The following DPYD variants were observed in gnomAD, a reference collection of about 807,000 sequenced individuals.
DPYD encodes the protein dihydropyrimidine dehydrogenase, also known as dihydropyrimidine dehydrogenase [NADP(+)].
DPYD carries 109 observed loss-of-function variants against 116.2 expected under a neutral mutation model. That is an observed-to-expected ratio of 0.94 (90% confidence interval 0.80 to 1.10). The LOEUF (loss-of-function observed/expected upper bound fraction) is 1.10, where lower values mean the gene tolerates loss of function less well. Among genes scored for constraint, DPYD ranks in the 50% least tolerant of loss-of-function variants. The pLI, the probability that DPYD is intolerant of heterozygous loss-of-function variation, is 0.00. For synonymous variants in DPYD, 440 were observed against 432.0 expected, an observed-to-expected ratio of 1.02 and a Z score of -0.23; for missense variants, 1,302 against 1,254.5, an observed-to-expected ratio of 1.04 and a Z score of -0.57.
At chr1:97,163,877 A>G (rs1656112554) in intron 20 of DPYD, among the ~76,000 whole-genome samples, 1 of 152,192 alleles carries the variant, frequency 6.6e-6, no homozygotes, top group Non-Finnish European at 1.5e-5. Context: ...TTTAGAAACA[A>G]GATTGAGAGA....
chr1:97,290,372 C>T lies in DPYD; in HGVS notation c.2299+14887G>A, dbSNP rs189012598. 4.2e-3 allele frequency among the ~76,000 whole-genome samples: 632 copies of T among 152,180 alleles called. 6 individuals are homozygous for T. The highest frequency in any genetic ancestry group is 0.014 in the African/African-American group (598 of 41,518). On this transcript the variant is annotated intron_variant, in intron 18 of 22. Coordinates refer to ENST00000370192, the MANE Select transcript of DPYD (RefSeq NM_000110.4). ...TATGGAACCAAAAGAGAGCCCACAT[C>T]GCCAAGTCAATCCTAAGCCAAAACA... is the stretch of plus-strand genomic sequence containing the variant.
At chr1:97,219,418 GCATTAA>G (rs1161226500) in intron 19 of DPYD, among the ~76,000 whole-genome samples, 1 of 152,102 alleles carries the variant, frequency 6.6e-6, no homozygotes, top group Admixed American at 6.5e-5. Context: ...TCTGATTTTT[GCATTAA>G]TATTTAATAA....
At chr1:97,657,549 G>T (rs1484589027) in intron 8 of DPYD, among the ~76,000 whole-genome samples, 3 of 152,078 alleles carry the variant, frequency 2.0e-5, no homozygotes, top group African/African-American at 7.2e-5. Context: ...CTCTCAATCA[G>T]TGAAAACACA....
chr1:97,845,287 C>G (rs1035122966), intron 2 of DPYD, among the ~76,000 whole-genome samples: 1 of 152,064 alleles, frequency 6.6e-6, no homozygotes, highest in African/African-American at 2.4e-5. Flanking sequence ...CACCTATAGA[C>G]CAATCAGCAC....
chr1:97,385,196 G>GA (rs960306568), intron 14 of DPYD, among the ~76,000 whole-genome samples: 3 of 135,570 alleles, frequency 2.2e-5, no homozygotes, highest in Admixed American at 8.3e-5. Context: ...TCTCCAGTTA[G>GA]AAAAAAGATC....
rs116313445 is a variant in DPYD, at chr1:97,440,959, T to A, written c.1905+9100A>T. 4.3e-3 allele frequency among the ~76,000 whole-genome samples: 650 copies of A among 152,322 alleles called. 7 individuals carry two copies. The highest frequency in any genetic ancestry group is 0.015 in the African/African-American group (633 of 41,570). ...AGGTATGTGGCTGGATTTTGAAATC[T>A]AGGTTAATATTCGTCCTTTTCTTTC... On this transcript the variant is annotated intron_variant, in intron 14 of 22. Coordinates refer to ENST00000370192, the MANE Select transcript of DPYD (RefSeq NM_000110.4).
At chr1:97,507,129 T>A (rs1647397569) in intron 13 of DPYD, among the ~76,000 whole-genome samples, 1 of 152,002 alleles carries the variant, frequency 6.6e-6, no homozygotes, top group South Asian at 2.1e-4. Flanking sequence ...GTACTATATG[T>A]GAACTGTAGC....
At chr1:97,427,020 T>C (rs1336582203) in intron 14 of DPYD, among the ~76,000 whole-genome samples, 1 of 152,098 alleles carries the variant, frequency 6.6e-6, no homozygotes. Context: ...AAGGACTTTA[T>C]TTTTATGCAG....
At chr1:97,213,995 T>C (rs537360493) in intron 19 of DPYD, among the ~76,000 whole-genome samples, 1 of 152,152 alleles carries the variant, frequency 6.6e-6, no homozygotes. Flanking sequence ...TTAGAAGATG[T>C]TTTGCATGCA....
At chr1:97,252,776 T>C (rs1222914151) in intron 18 of DPYD, among the ~76,000 whole-genome samples, 1 of 152,176 alleles carries the variant, frequency 6.6e-6, no homozygotes, top group Non-Finnish European at 1.5e-5. Context: ...CCAGTGTAAA[T>C]AGGGCCAATG....
intron 16 of DPYD, among the ~76,000 whole-genome samples, chr1:97,356,469 C>T (rs1305548760): frequency 6.6e-6 from 1 of 152,082 alleles, no homozygotes; most frequent in Non-Finnish European, 1.5e-5. Flanking sequence ...CACTTGTTGC[C>T]TGTGATCAGG....
At position 97,679,146 on chromosome 1, in the gene DPYD, T is replaced by C. The variant is rs1200727399; in HGVS notation, c.799A>G (p.Thr267Ala). 1 of 1,589,520 alleles carries C rather than the reference T, an allele frequency of 6.3e-7. No individual in the cohort carries two copies. Residue 267 changes from threonine (T) to alanine (A), a missense_variant, in exon 8 of 23, where the codon ACT becomes GCT. By Grantham distance (58) the Thr-to-Ala change is moderately conservative. Coordinates refer to ENST00000370192, the MANE Select transcript of DPYD (RefSeq NM_000110.4). ...CGKSLSVNEM[T>A]LSTLKEKGYK... ...CCTTTTTCTTTCAAAGTGCTAAGAGTCATTTCATTCACTGAAAGGCTTTTA... is the reference window on the plus strand; with the variant it reads ...CCTTTTTCTTTCAAAGTGCTAAGAGCCATTTCATTCACTGAAAGGCTTTTA...
Position 97,195,617 on chromosome 1 carries a change from T to C in DPYD, c.2443-2369A>G, listed in dbSNP as rs1266725584. Among the ~76,000 whole-genome samples, 4 of 106,866 alleles carry C rather than the reference T, an allele frequency of 3.7e-5. 1 individual carries two copies. The highest frequency in any genetic ancestry group is 1.3e-4 in the African/African-American group (4 of 29,712). 70.1% of individuals were successfully genotyped at this position (106,866 alleles called of 152,430 possible). A position where few individuals can be genotyped will look rare whatever the true frequency, so the allele number is the denominator to read the frequency against. ...ATATGTGTGTGTGTGTATATATATG[T>C]ATGTGTATATGTATGTGTATATATA... On this transcript the variant is annotated intron_variant, in intron 19 of 22. Coordinates refer to ENST00000370192, the MANE Select transcript of DPYD (RefSeq NM_000110.4).
intron 8 of DPYD, among the ~76,000 whole-genome samples, chr1:97,638,148 G>T (rs995873439): frequency 6.6e-6 from 1 of 152,078 alleles, no homozygotes; most frequent in African/African-American, 2.4e-5. Flanking sequence ...TCATCTGGAA[G>T]GCAGAAGGTT....
chr1:97,384,719 A>T (rs1207328774), intron 14 of DPYD, among the ~76,000 whole-genome samples: 1 of 152,148 alleles, frequency 6.6e-6, no homozygotes, highest in African/African-American at 2.4e-5. Context: ...GGACTAGTCA[A>T]CTAGAGAAGC....
At chr1:97,634,376 T>C (rs1373684426) in intron 8 of DPYD, among the ~76,000 whole-genome samples, 15 of 152,102 alleles carry the variant, frequency 9.9e-5, no homozygotes, top group Admixed American at 9.8e-4. Context: ...GAAATAAGTA[T>C]GTCAATGCTT....
intron 20 of DPYD, among the ~76,000 whole-genome samples, chr1:97,164,137 A>C (rs748942035): frequency 6.6e-6 from 1 of 152,186 alleles, no homozygotes; most frequent in African/African-American, 2.4e-5. Context: ...TAAATCAATA[A>C]ATGTGATTCA....
chr1:97,529,945 T>C (rs1327055292), intron 12 of DPYD, among the ~76,000 whole-genome samples: 3 of 151,112 alleles, frequency 2.0e-5, no homozygotes, highest in African/African-American at 4.9e-5. Context: ...TCTTTACTTT[T>C]CTTTTCTTTC....
At chr1:97,500,718 G>C (rs1679530881) in intron 13 of DPYD, among the ~76,000 whole-genome samples, 1 of 152,032 alleles carries the variant, frequency 6.6e-6, no homozygotes, top group South Asian at 2.1e-4. Context: ...TTAGGCTTCA[G>C]ATGCATTTCT....
Sources: gnomAD v4.1 joint callset for allele counts (sites outside exome capture counted in the v4.1 genomes callset) on GRCh38, gnomAD v4.1.1 for gene constraint, MANE v1.5 for transcripts, NCBI Gene and HGNC (gene_info 2026-07-23, HGNC 2026-07-21) for gene names.